Variants in RNF123 observed in about 807,000 individuals in gnomAD.
RNF123 encodes the protein E3 ubiquitin-protein ligase RNF123.
Under a neutral mutation model 168.5 loss-of-function variants are expected in RNF123, and 86 were observed. The ratio of observed to expected loss-of-function variants is 0.51; its 90% CI spans 0.43 to 0.61. The LOEUF (loss-of-function observed/expected upper bound fraction) is 0.61, where lower values mean the gene tolerates loss of function less well. Among genes scored for constraint, RNF123 ranks in the 20% least tolerant of loss-of-function variants. The probability of loss-of-function intolerance (pLI) is 0.00; values close to 1 mark genes in which losing one functional copy is unlikely to be tolerated. For synonymous variants in RNF123, 666 were observed against 689.1 expected, an observed-to-expected ratio of 0.97 and a Z score of 0.52; for missense variants, 1,419 against 1,729.7, an observed-to-expected ratio of 0.82 and a Z score of 3.19.
At chr3:49,718,375 G>A (rs1464696539) in intron 35 of RNF123, 3 of 1,613,286 alleles carry the variant, frequency 1.9e-6, no homozygotes, top group Non-Finnish European at 2.5e-6. Context: ...GTACTCGTGC[G>A]TCTGGTTGTG....
intron 1 of RNF123, 48 bp from the exon 2 acceptor site, chr3:49,691,082 G>A: frequency 7.9e-7 from 1 of 1,268,844 alleles, no homozygotes; most frequent in South Asian, 1.3e-5. Context: ...GGTCAGGTGT[G>A]GGGGCCCCTG....
chr3:49,721,009 C>A lies in RNF123; in HGVS notation c.3739-11C>A. 6.2e-7 allele frequency: 1 copy of A among 1,610,236 alleles called. No homozygotes were observed. Among genetic ancestry groups the A allele is most frequent in the Non-Finnish European group, 8.5e-7 (1 of 1,177,246 alleles). On this transcript the variant is annotated splice_polypyrimidine_tract_variant and intron_variant, in intron 37 of 38. Transcript: ENST00000327697. ...CCAACTCCAGCCCACCCTTCACTCT[C>A]CTCCCTGCAGCCCACCAGTGAGGAG...
chr3:49,707,035 C>T, intron 26 of RNF123, 137 bp downstream of exon 26: 1 of 681,040 alleles, frequency 1.5e-6, no homozygotes, highest in Non-Finnish European at 2.6e-6. Context: ...CTTCAGACTC[C>T]ATCACCCCAT....
chr3:49,705,025 G>C lies in RNF123; in HGVS notation c.2001G>C (p.Leu667=). 1 of 1,609,598 alleles carries C rather than the reference G, an allele frequency of 6.2e-7. No homozygotes were observed. Among genetic ancestry groups the C allele is most frequent in the Non-Finnish European group, 8.5e-7 (1 of 1,178,780 alleles). Residue 667 remains leucine, a synonymous_variant, in exon 23 of 39, where the codon CTG becomes CTC. Coordinates refer to ENST00000327697, the MANE Select transcript of RNF123 (RefSeq NM_022064.5). ...TGGCTGTTGGGGGGCCACTGCCCCT[G>C]CCCCGGCCCGGCTGGCTCAGTTCTC... is the stretch of plus-strand genomic sequence containing the variant. ...QALAVGGPLP[L]PRPGWLSSPT... is the part of the protein sequence containing the mutation.
At position 49,702,748 on chromosome 3, in the gene RNF123, G is replaced by T. The variant is rs765998342; in HGVS notation, c.1745G>T (p.Ser582Ile). Residue 582 changes from serine (S) to isoleucine (I), a missense_variant, in exon 20 of 39, where the codon AGT becomes ATT. Transcript: ENST00000327697. Reference protein sequence around the residue: ...YKASNPHASFSEEAYIPPQVF... With the variant: ...YKASNPHASFIEEAYIPPQVF... ...GCTTCCAATCCTCATGCTTCCTTCA[G>T]TGAGGGTGAGTGGCACCGGGGTCCC... is the stretch of plus-strand genomic sequence containing the variant. The T allele has an allele frequency of 1.1e-5, 18 of 1,614,182 alleles. No individual in the cohort carries two copies. The highest frequency in any genetic ancestry group is 1.5e-5 in the Non-Finnish European group (18 of 1,179,988).
rs2054420280 is a variant in RNF123, at chr3:49,702,334, G to A, written c.1558G>A (p.Gly520Ser). The A allele has an allele frequency of 6.2e-7, 1 of 1,614,158 alleles. No homozygotes were observed. Among genetic ancestry groups the A allele is most frequent in the Non-Finnish European group, 8.5e-7 (1 of 1,179,992 alleles). Residue 520 changes from glycine to serine, a missense_variant and splice_region_variant, in exon 19 of 39, where the codon GGT becomes AGT. By Grantham distance (56) the Gly-to-Ser change is moderately conservative. Transcript: ENST00000327697. ...AGCCTCACTTTTCCCTCTCTCAAAG[G>A]GTGAAGCTTCTAGGTATATCTTCCT... ...LLLDNKDDNG[G>S]EASRYIFLTK...
chr3:49,712,528 T>C lies in RNF123; in HGVS notation c.2546T>C (p.Ile849Thr), dbSNP rs145678564. The change falls in exon 27 of 39, where the codon ATT becomes ACT. Residue 849 changes from isoleucine (I) to threonine (T), a missense_variant. Ile to Thr is a moderately conservative substitution (Grantham distance 89, BLOSUM62 -1). Transcript: ENST00000327697. ...YWLLRVCLRT[I>T]EHGDRTGSLF... ...CTGCTGCGCGTCTGCCTGCGGACCA[T>C]TGAGCACGGTGATCGCACAGGGTCT... is the stretch of plus-strand genomic sequence containing the variant. The C allele has an allele frequency of 2.3e-5, 37 of 1,614,098 alleles. No homozygotes were observed. Among genetic ancestry groups the C allele is most frequent in the African/African-American group, 1.1e-4 (8 of 74,946 alleles).
rs1165548074 is a variant in RNF123 at position 49,699,331 on chromosome 3, A to G, written c.765-137A>G. 3 of 933,542 alleles carry G rather than the reference A, an allele frequency of 3.2e-6. No individual in the cohort carries two copies. Among genetic ancestry groups the G allele is most frequent in the African/African-American group, 1.6e-5 (1 of 60,704 alleles). The allele number at this position is 933,542 out of a possible 1,614,324, so 57.8% of individuals were successfully genotyped here. A position where few individuals can be genotyped will look rare whatever the true frequency, so the allele number is the denominator to read the frequency against. The stretch of plus-strand genomic sequence containing the variant: ...ATGAGGAATGTGAAGCATCCTCCCT[A>G]GGGAGAATAAGTGGGCAAGTTGTGA... On this transcript the variant is annotated intron_variant, in intron 10 of 38. Coordinates refer to ENST00000327697, the MANE Select transcript of RNF123 (RefSeq NM_022064.5). The surrounding 1 kb of genome is among the most constrained non-coding windows in gnomAD (Gnocchi z 4.8).
chr3:49,719,440 G>A lies in RNF123; in HGVS notation c.3501-1071G>A. The stretch of plus-strand genomic sequence containing the variant: ...CCCAACGCGCAGCATGCAGAGCAGT[G>A]TCCCCAGCAGCACCAACCAGGTCAT... On this transcript the variant is annotated intron_variant, in intron 35 of 38. Transcript: ENST00000327697. 1.9e-6 allele frequency: 3 copies of A among 1,613,234 alleles called. 1 individual carries two copies. The South Asian group carries it at 3.3e-5, about 18-fold the overall frequency.
intron 35 of RNF123, 190 bp from the exon 36 acceptor site, chr3:49,720,321 A>AG: frequency 6.3e-6 from 3 of 478,340 alleles, no homozygotes; most frequent in Non-Finnish European, 1.0e-5. Context: ...TCTCAAGAAA[A>AG]AAAAAAAAAA....
intron 3 of RNF123, 68 bp from the exon 4 acceptor site, chr3:49,697,075 T>C: frequency 7.6e-7 from 1 of 1,318,594 alleles, no homozygotes; most frequent in Non-Finnish European, 1.1e-6. Flanking sequence ...GGGGAAAGGA[T>C]GGGATTTAGT....
chr3:49,718,529 A>G (rs766332423), intron 35 of RNF123: 2 of 1,613,150 alleles, frequency 1.2e-6, no homozygotes, highest in Non-Finnish European at 1.7e-6. Context: ...TGCTGCGGCG[A>G]AACCCAGGCA....
chr3:49,714,046 G>T, intron 30 of RNF123, 44 bp from the exon 31 acceptor site: 2 of 1,613,746 alleles, frequency 1.2e-6, no homozygotes, highest in South Asian at 1.1e-5. Context: ...GAGGGAGAGG[G>T]TGCGCTGTCC....
At chr3:49,712,853 A>G (rs755402186) in intron 27 of RNF123, 197 bp downstream of exon 27, 14 of 716,018 alleles carry the variant, frequency 2.0e-5, no homozygotes, top group South Asian at 1.0e-4. Context: ...CACAGAGCCA[A>G]CAGCTCCCTA....
chr3:49,717,174 G>C (rs930999897), intron 35 of RNF123: 1 of 153,266 alleles, frequency 6.5e-6, no homozygotes. Flanking sequence ...ACTGTGTCTT[G>C]TGAGCCCACA....
At chr3:49,704,069 A>C (rs921186505) in intron 21 of RNF123, among the ~76,000 whole-genome samples, 1 of 152,156 alleles carries the variant, frequency 6.6e-6, no homozygotes, top group Non-Finnish European at 1.5e-5. Flanking sequence ...GGTTGTGTGG[A>C]TGGGGTGCCA....
intron 26 of RNF123, among the ~76,000 whole-genome samples, chr3:49,710,239 T>TA (rs1487701432): frequency 6.6e-6 from 1 of 152,214 alleles, no homozygotes; most frequent in African/African-American, 2.4e-5. Context: ...ATAGTACCTT[T>TA]ACAAGCACTT....
At chr3:49,700,798 G>T (rs1165950743) in intron 15 of RNF123, 89 bp downstream of exon 15, 1 of 1,399,656 alleles carries the variant, frequency 7.1e-7, no homozygotes, top group African/African-American at 1.4e-5. Context: ...TCAGGCCAGG[G>T]GTCCCCTGGG....
chr3:49,695,021 T>C (rs568668440), intron 3 of RNF123, among the ~76,000 whole-genome samples: 79 of 152,354 alleles, frequency 5.2e-4, no homozygotes, highest in Non-Finnish European at 9.0e-4. Flanking sequence ...CAGTGGTGGC[T>C]GTCTCAGGCC....
Sources: gnomAD v4.1 joint callset for allele counts (sites outside exome capture counted in the v4.1 genomes callset) on GRCh38, gnomAD v4.1.1 for gene constraint, Gnocchi (gnomAD v3.1) non-coding constraint, MANE v1.5 for transcripts, NCBI Gene and HGNC (gene_info 2026-07-23, HGNC 2026-07-21) for gene names.